Variants in SYNE1 observed in about 807,000 individuals in gnomAD.
The protein encoded by SYNE1 is spectrin repeat containing nuclear envelope protein 1.
In SYNE1, 616 loss-of-function variants were observed where a neutral mutation model predicts 1,111.0. The ratio of observed to expected loss-of-function variants is 0.55; its 90% CI spans 0.52 to 0.59. SYNE1 has a LOEUF of 0.59. Among genes scored for constraint, SYNE1 ranks in the 20% least tolerant of loss-of-function variants. The pLI is 0.00. For synonymous variants in SYNE1, 3,855 were observed against 3,825.8 expected, an observed-to-expected ratio of 1.01 and a Z score of -0.28; for missense variants, 10,006 against 10,417.0, an observed-to-expected ratio of 0.96 and a Z score of 1.72.
rs146995763 is a variant in SYNE1 at position 152,320,784 on chromosome 6, G to A, written c.16236+454C>T. On this transcript the variant is annotated intron_variant, in intron 84 of 145. Transcript: ENST00000367255. ...TCTAGCAACATTAGGGGACCCACCC[G>A]CATGCATTTTAGGAAATAACTTCAT... Among the ~76,000 whole-genome samples the A allele has an allele frequency of 2.9e-3, 442 of 152,210 alleles. 2 individuals carry two copies. The highest frequency in any genetic ancestry group is 0.01 in the African/African-American group (422 of 41,534).
At chr6:152,628,153 C>A in intron 3 of SYNE1, 112 bp downstream of exon 3, 1 of 1,141,944 alleles carries the variant, frequency 8.8e-7, no homozygotes, top group Non-Finnish European at 1.3e-6. Flanking sequence ...GACATCCATC[C>A]CATTCTGGGC....
intron 119 of SYNE1, among the ~76,000 whole-genome samples, chr6:152,220,205 G>T (rs1285483157): frequency 6.6e-6 from 1 of 152,122 alleles, no homozygotes; most frequent in Non-Finnish European, 1.5e-5. Flanking sequence ...CTAATAAACT[G>T]ATTTGGAAAA....
intron 4 of SYNE1, among the ~76,000 whole-genome samples, chr6:152,536,433 A>AT (rs372742862): frequency 3.9e-5 from 5 of 128,462 alleles, no homozygotes; most frequent in African/African-American, 1.5e-4. Context: ...TTATATATAT[A>AT]ACTATATATA....
In SYNE1 at chr6:152,139,983, G is replaced by T. The variant is rs1465261923; in HGVS notation, c.25425C>A (p.Ile8475=). Residue 8475 remains isoleucine (I), a synonymous_variant, in exon 140 of 146, where the codon ATC becomes ATA. Transcript: ENST00000367255. The part of the protein sequence containing the change: ...QLQRLELSTD[I]QTIELQIKKL... ...TTTTGATCTGGAGCTCGATGGTCTG[G>T]ATGTCAGTGCTGAGTTCCAGACGCT... The T allele has an allele frequency of 6.2e-7, 1 of 1,614,050 alleles. No homozygotes were observed. Among genetic ancestry groups the T allele is most frequent in the Non-Finnish European group, 8.5e-7 (1 of 1,180,038 alleles).
At chr6:152,468,828 T>C (rs923966680) in intron 16 of SYNE1, among the ~76,000 whole-genome samples, 3 of 152,202 alleles carry the variant, frequency 2.0e-5, no homozygotes, top group Non-Finnish European at 4.4e-5. Flanking sequence ...CAGGCTGAAG[T>C]GCAGCAGCAA....
chr6:152,219,154 T>A lies in SYNE1; in HGVS notation c.21893A>T (p.Asp7298Val). Reference sequence around the variant, plus strand: ...CAGCTCATGGAGAAAAAAGAGGGAATCTTTAACTGTGCCCAGTCCTTTGAG... The same window carrying A: ...CAGCTCATGGAGAAAAAAGAGGGAAACTTTAACTGTGCCCAGTCCTTTGAG... The part of the protein sequence containing the change: ...DLLKGLGTVK[D>V]SLFFLHELGE... The change falls in exon 120 of 146, where the codon GAT becomes GTT. Residue 7298 changes from aspartate to valine, a missense_variant. Physicochemically the swap from Asp to Val is radical, Grantham distance 152. Around this residue, in one of 7 missense-constraint regions of SYNE1, gnomAD observed 2,182 missense variants for 2,287.8 expected, o/e 0.95. Transcript: ENST00000367255. 1 of 1,614,028 alleles carries A rather than the reference T, an allele frequency of 6.2e-7. No individual in the cohort carries two copies. The highest frequency in any genetic ancestry group is 8.5e-7 in the Non-Finnish European group (1 of 1,179,960).
In SYNE1 at chr6:152,221,563, C is replaced by A. The variant is rs1333396067; in HGVS notation, c.21523-4G>T. On this transcript the variant is annotated splice_polypyrimidine_tract_variant and splice_region_variant and intron_variant, in intron 117 of 145. Coordinates refer to ENST00000367255, the MANE Select transcript of SYNE1 (RefSeq NM_182961.4). ...TTTCCAGATCATCTTGGAGATTCTG[C>A]CCCAAAAAAAAGACCCATAGATGAC... is the stretch of plus-strand genomic sequence containing the variant. 2 of 1,613,272 alleles carry A rather than the reference C, an allele frequency of 1.2e-6. No individual in the cohort carries two copies. Among genetic ancestry groups the A allele is most frequent in the Admixed American group, 1.7e-5 (1 of 59,972 alleles).
Position 152,391,134 on chromosome 6 carries a change from C to A in SYNE1, c.8004+143G>T, listed in dbSNP as rs1184868294. On this transcript the variant is annotated intron_variant, in intron 52 of 145. Coordinates refer to ENST00000367255, the MANE Select transcript of SYNE1 (RefSeq NM_182961.4). The stretch of plus-strand genomic sequence containing the variant: ...AAGGGGAAAAATGATGCCTCTGTAT[C>A]CTTTTTTGCCCAATTTCTCCATTTT... The A allele has an allele frequency of 1.1e-5, 13 of 1,158,344 alleles. No individual in the cohort carries two copies. The East Asian group carries it at 2.9e-4, about 26-fold the overall frequency. 71.8% of individuals were successfully genotyped at this position (1,158,344 alleles called of 1,614,324 possible).
At chr6:152,199,852 G>A (rs867872176) in intron 127 of SYNE1, among the ~76,000 whole-genome samples, 1 of 151,966 alleles carries the variant, frequency 6.6e-6, no homozygotes, top group Non-Finnish European at 1.5e-5. Flanking sequence ...AGGACTAGAC[G>A]AAAATACATT....
intron 21 of SYNE1, among the ~76,000 whole-genome samples, chr6:152,460,789 T>G (rs2098727891): frequency 6.9e-6 from 1 of 143,888 alleles, no homozygotes; most frequent in Admixed American, 7.2e-5. Context: ...AAGGTATAAA[T>G]GTATATAATC....
intron 3 of SYNE1, among the ~76,000 whole-genome samples, chr6:152,557,273 G>GA (rs1418224942): frequency 6.6e-6 from 1 of 151,558 alleles, no homozygotes; most frequent in African/African-American, 2.4e-5. Context: ...ATCAAGAATG[G>GA]AAAAAAAGGA....
At position 152,242,231 on chromosome 6, in the gene SYNE1, G is replaced by A. The variant is rs1488350926; in HGVS notation, c.19893+9C>T. On this transcript the variant is annotated intron_variant, in intron 107 of 145. Transcript: ENST00000367255. ...CATTTTCTCTCTATCACTCTTTTTT[G>A]TTATGTACCTTATGTTTGTCAAGTA... The A allele has an allele frequency of 6.2e-7, 1 of 1,611,106 alleles. No individual in the cohort carries two copies. Among genetic ancestry groups the A allele is most frequent in the South Asian group, 1.1e-5 (1 of 91,014 alleles).
chr6:152,599,992 T>C (rs1037079102), intron 3 of SYNE1, among the ~76,000 whole-genome samples: 1 of 152,174 alleles, frequency 6.6e-6, no homozygotes, highest in African/African-American at 2.4e-5. Flanking sequence ...CAAAAAATAA[T>C]GTGAGACCTG....
rs148301269 is a variant in SYNE1 at position 152,362,629 on chromosome 6, A to T, written c.10146-306T>A. 3.5e-3 allele frequency among the ~76,000 whole-genome samples: 532 copies of T among 152,292 alleles called. 4 individuals are homozygous for T. The highest frequency in any genetic ancestry group is 0.012 in the African/African-American group (509 of 41,554). ...GGAGCCTCAAAGGCAAAACTGAGAG[A>T]GATCCCCTGAGTGGGTCTTTTCTGG... On this transcript the variant is annotated intron_variant, in intron 63 of 145. Coordinates refer to ENST00000367255, the MANE Select transcript of SYNE1 (RefSeq NM_182961.4).
chr6:152,297,502 G>A (rs1409419440), intron 93 of SYNE1, among the ~76,000 whole-genome samples: 1 of 152,156 alleles, frequency 6.6e-6, no homozygotes, highest in East Asian at 1.9e-4. Context: ...CTGGGTCACT[G>A]CTTTTCGTCT....
rs1410855815 is a variant in SYNE1 at position 152,255,672 on chromosome 6, C to A, written c.19179G>T (p.Trp6393Cys). ...LYDGVSATST[W>C]LDDVEERLFV... The stretch of plus-strand genomic sequence containing the variant: ...ATAAACGTTCTTCAACGTCATCCAA[C>A]CAAGTAGAGGTGGCTGAGACTCCAT... The change falls in exon 103 of 146, where the codon TGG becomes TGT. Residue 6393 changes from tryptophan (W) to cysteine (C), a missense_variant. Physicochemically the swap from Trp to Cys is radical, Grantham distance 215. Transcript: ENST00000367255. 2 of 1,614,214 alleles carry A rather than the reference C, an allele frequency of 1.2e-6. No individual in the cohort carries two copies. The highest frequency in any genetic ancestry group is 1.7e-6 in the Non-Finnish European group (2 of 1,180,050).
At chr6:152,596,659 GTA>G (rs1460661462) in intron 3 of SYNE1, among the ~76,000 whole-genome samples, 8 of 152,150 alleles carry the variant, frequency 5.3e-5, no homozygotes, top group Non-Finnish European at 1.2e-4. Context: ...TTCAAGGTAA[GTA>G]TTGTACGTAA....
intron 4 of SYNE1, among the ~76,000 whole-genome samples, chr6:152,534,312 G>A (rs2099222987): frequency 6.6e-6 from 1 of 151,910 alleles, no homozygotes; most frequent in African/African-American, 2.4e-5. Context: ...CTAGATCTTT[G>A]TTATCCATAA....
chr6:152,264,122 T>G (rs925551377), intron 100 of SYNE1, among the ~76,000 whole-genome samples: 1 of 134,300 alleles, frequency 7.4e-6, no homozygotes, highest in Non-Finnish European at 1.5e-5. Context: ...GGCAGGAGAA[T>G]CACTTGAACC....
Sources: allele counts gnomAD v4.1 joint callset (sites outside exome capture counted in the v4.1 genomes callset), GRCh38; gene constraint gnomAD v4.1.1; regional missense constraint gnomAD v4.1.1; transcripts MANE v1.5; gene names NCBI Gene and HGNC (gene_info 2026-07-23, HGNC 2026-07-21).